PHACTR2: variants seen among roughly 807,000 people sequenced by gnomAD.
PHACTR2 encodes phosphatase and actin regulator 2.
PHACTR2 carries 30 observed loss-of-function variants against 76.0 expected under a neutral mutation model. The observed-to-expected ratio is 0.39, with a 90% CI of 0.30 to 0.54. PHACTR2 has a LOEUF of 0.54. PHACTR2 is among the 20% of genes least tolerant of loss of function. The pLI is 0.61. For synonymous variants in PHACTR2, 292 were observed against 292.5 expected (o/e 1.00, Z 0.02); for missense variants, 696 against 781.1 (o/e 0.89, Z 1.30).
intron 1 of PHACTR2, among the ~76,000 whole-genome samples, chr6:143,545,441 T>C (rs2128426755): frequency 6.6e-6 from 1 of 152,282 alleles, no homozygotes; most frequent in South Asian, 2.1e-4. Context: ...GTGCTGGGTA[T>C]TGGATGCAAG....
In PHACTR2 at chr6:143,578,645, TGAGGAGGAG is replaced by T. The variant is rs200001036; in HGVS notation, c.217+41450_217+41458del. ...GAGGGCCTGGACAATGAGGAGAGGATGAGGAGGAGGAGGAGGAGGAAGGAGAAGAGGAGG... is the reference window on the plus strand; with the variant it reads ...GAGGGCCTGGACAATGAGGAGAGGATGAGGAGGAGGAAGGAGAAGAGGAGG... On this transcript the variant is annotated intron_variant, in intron 1 of 11. Transcript: ENST00000367584. This position sits in a 1 kb window ranked among gnomAD's most constrained non-coding sequence, Gnocchi z 4.5. Among the ~76,000 whole-genome samples, 1 of 150,572 alleles carries T rather than the reference TGAGGAGGAG, an allele frequency of 6.6e-6. No homozygotes were observed. Among genetic ancestry groups the T allele is most frequent in the Non-Finnish European group, 1.5e-5 (1 of 67,630 alleles).
intron 1 of PHACTR2, among the ~76,000 whole-genome samples, chr6:143,593,177 G>C (rs913041361): frequency 2.6e-5 from 4 of 152,046 alleles, no homozygotes; most frequent in African/African-American, 7.2e-5. Flanking sequence ...TTGTGTGGTT[G>C]TGTATTAGAT....
chr6:143,756,653 C>T (rs1367618561), intron 4 of PHACTR2, among the ~76,000 whole-genome samples: 4 of 148,456 alleles, frequency 2.7e-5, no homozygotes, highest in Non-Finnish European at 4.4e-5. Context: ...GAGCCGAGAT[C>T]GCACCACTGC....
Position 143,552,825 on chromosome 6 carries a change from G to C in PHACTR2, c.217+15618G>C, listed in dbSNP as rs367901444. On this transcript the variant is annotated intron_variant, in intron 1 of 11. Coordinates refer to the PHACTR2 transcript ENST00000367584. ...AGGCCAGAGAATTGCAGAGGTTGCA[G>C]TGAGCCAAGATCGTGCCACTGCACT... 6.2e-4 allele frequency among the ~76,000 whole-genome samples: 91 copies of C among 146,334 alleles called. 3 individuals carry two copies. The South Asian group carries it at 0.02, about 32-fold the overall frequency.
rs1187130855 is a variant in PHACTR2 at position 143,598,086 on chromosome 6, C to T, written c.217+60879C>T. Among the ~76,000 whole-genome samples the T allele has an allele frequency of 6.6e-6, 1 of 151,884 alleles. No individual in the cohort carries two copies. Among genetic ancestry groups the T allele is most frequent in the African/African-American group, 2.4e-5 (1 of 41,314 alleles). The stretch of plus-strand genomic sequence containing the variant: ...ATGATATAGTAGGTCGAAGAATGCC[C>T]CCCGCGCCCCCAAAAAAGAACCATA... On this transcript the variant is annotated intron_variant, in intron 1 of 11. Transcript: ENST00000367584. This position sits in a 1 kb window ranked among gnomAD's most constrained non-coding sequence, Gnocchi z 4.1.
chr6:143,760,460 C>T lies in PHACTR2; in HGVS notation c.514C>T (p.Pro172Ser), dbSNP rs1779410428. The T allele has an allele frequency of 2.5e-6, 4 of 1,613,796 alleles. No individual in the cohort carries two copies. Among genetic ancestry groups the T allele is most frequent in the East Asian group, 4.5e-5 (2 of 44,872 alleles). The change falls in exon 5 of 13, where the codon CCT (proline) becomes TCT (serine). Residue 172 changes from proline (P) to serine (S), a missense_variant. Transcript: ENST00000440869. This position sits in a 1 kb window ranked among gnomAD's most constrained non-coding sequence, Gnocchi z 6.4. ...TCCTGCTCTACCTCCTTCTGCTCCT[C>T]CTAAGCCTAGACCCAAACCTAAACC... Reference protein sequence around the residue: ...AAPALPPSAPPKPRPKPKPKK... With the variant: ...AAPALPPSAPSKPRPKPKPKK...
chr6:143,774,322 C>G lies in PHACTR2; in HGVS notation c.1589+107C>G. 1.3e-6 allele frequency: 1 copy of G among 762,080 alleles called. No individual in the cohort carries two copies. Among genetic ancestry groups the G allele is most frequent in the Non-Finnish European group, 2.1e-6 (1 of 486,240 alleles). The allele number at this position is 762,080 out of a possible 1,614,324, so 47.2% of individuals were successfully genotyped here. A position where few individuals can be genotyped will look rare whatever the true frequency, so the allele number is the denominator to read the frequency against. ...GTGAATTCCTTATGTACAGATACATCTGGCCTACTGGGTCTTTTAAAGTTG... is the reference window on the plus strand; with the variant it reads ...GTGAATTCCTTATGTACAGATACATGTGGCCTACTGGGTCTTTTAAAGTTG... On this transcript the variant is annotated intron_variant, in intron 8 of 12. Coordinates refer to ENST00000440869, the MANE Select transcript of PHACTR2 (RefSeq NM_001100164.2). The surrounding 1 kb of genome is among the most constrained non-coding windows in gnomAD (Gnocchi z 5.4).
chr6:143,819,421 T>C lies in PHACTR2; in HGVS notation c.1923-4253T>C, dbSNP rs1776366424. On this transcript the variant is annotated intron_variant, in intron 12 of 12. Transcript: ENST00000440869. The surrounding 1 kb of genome is among the most constrained non-coding windows in gnomAD (Gnocchi z 5.0). The stretch of plus-strand genomic sequence containing the variant: ...GAGTTCTCCAGAGAAACAAAACCAA[T>C]AAGATATATGTATATAGATATATGA... 6.6e-6 allele frequency among the ~76,000 whole-genome samples: 1 copy of C among 152,066 alleles called. No individual in the cohort carries two copies. Among genetic ancestry groups the C allele is most frequent in the African/African-American group, 2.4e-5 (1 of 41,398 alleles).
At chr6:143,540,603 A>C (rs1781163992) in intron 1 of PHACTR2, among the ~76,000 whole-genome samples, 1 of 152,106 alleles carries the variant, frequency 6.6e-6, no homozygotes, top group Non-Finnish European at 1.5e-5. Context: ...ATGCTAGATT[A>C]TTACTAGATT....
intron 1 of PHACTR2, among the ~76,000 whole-genome samples, chr6:143,691,706 CT>C (rs994863010): frequency 1.3e-5 from 2 of 152,120 alleles, no homozygotes; most frequent in African/African-American, 4.8e-5. Context: ...TTGCTGCATA[CT>C]AATTACTTAA....
At chr6:143,717,887 T>C (rs1312932597) in intron 2 of PHACTR2, among the ~76,000 whole-genome samples, 1 of 152,170 alleles carries the variant, frequency 6.6e-6, no homozygotes, top group East Asian at 1.9e-4. Context: ...TTTGGGACTT[T>C]ATAAAAGAAA....
At position 143,553,034 on chromosome 6, in the gene PHACTR2, A is replaced by G. The variant is rs1176843757; in HGVS notation, c.217+15827A>G. On this transcript the variant is annotated intron_variant, in intron 1 of 11. Coordinates refer to the PHACTR2 transcript ENST00000367584. This position sits in a 1 kb window ranked among gnomAD's most constrained non-coding sequence, Gnocchi z 4.2. ...CAGGTATTTAAGGAGTGAAATGAGCAATGATGTTTCATCCAGATGCTTAAA... is the reference window on the plus strand; with the variant it reads ...CAGGTATTTAAGGAGTGAAATGAGCGATGATGTTTCATCCAGATGCTTAAA... Among the ~76,000 whole-genome samples, 1 of 152,142 alleles carries G rather than the reference A, an allele frequency of 6.6e-6. No homozygotes were observed. The highest frequency in any genetic ancestry group is 1.5e-5 in the Non-Finnish European group (1 of 68,036).
At position 143,678,010 on chromosome 6, in the gene PHACTR2, G is replaced by T. The variant is rs1402316936; in HGVS notation, c.-154G>T. 2.7e-6 allele frequency: 4 copies of T among 1,474,690 alleles called. No individual in the cohort carries two copies. The highest frequency in any genetic ancestry group is 3.6e-6 in the Non-Finnish European group (4 of 1,109,000). 91.4% of individuals were successfully genotyped at this position (1,474,690 alleles called of 1,614,324 possible). ...CGCGCCGGCTGCGGCCGGCCGGGCT[G>T]GGAGACCCGCGCGGGGTAGAAGGTG... is the stretch of plus-strand genomic sequence containing the variant. On this transcript the variant is annotated 5_prime_UTR_variant, in exon 1 of 13. Coordinates refer to ENST00000440869, the MANE Select transcript of PHACTR2 (RefSeq NM_001100164.2). The surrounding 1 kb of genome is among the most constrained non-coding windows in gnomAD (Gnocchi z 6.2).
chr6:143,593,213 C>T (rs1775712445), intron 1 of PHACTR2, among the ~76,000 whole-genome samples: 1 of 152,066 alleles, frequency 6.6e-6, no homozygotes, highest in African/African-American at 2.4e-5. Context: ...CAAATTATGG[C>T]CCTGTCCTCA....
intron 1 of PHACTR2, among the ~76,000 whole-genome samples, chr6:143,660,023 G>T (rs187007623): frequency 6.6e-6 from 1 of 152,224 alleles, no homozygotes; most frequent in East Asian, 1.9e-4. Flanking sequence ...ATTCAGATCT[G>T]GTGTTTTCTC....
chr6:143,813,334 A>T (rs1776220317), intron 12 of PHACTR2, among the ~76,000 whole-genome samples: 1 of 152,080 alleles, frequency 6.6e-6, no homozygotes, highest in Non-Finnish European at 1.5e-5. Context: ...TAAAATTCAG[A>T]TGCAGCCGGG....
Position 143,580,471 on chromosome 6 carries a change from C to A in PHACTR2, c.217+43264C>A, listed in dbSNP as rs888260514. Among the ~76,000 whole-genome samples, 21 of 151,930 alleles carry A rather than the reference C, an allele frequency of 1.4e-4. No homozygotes were observed. The highest frequency in any genetic ancestry group is 4.2e-4 in the South Asian group (2 of 4,800). ...CTGCACTCCAGCCTGGGCGACAGAG[C>A]GAGACTCCGTCTCAAACAAAACAAA... On this transcript the variant is annotated intron_variant, in intron 1 of 11. Transcript: ENST00000367584. The surrounding 1 kb of genome is among the most constrained non-coding windows in gnomAD (Gnocchi z 4.2).
rs1209981030 is a variant in PHACTR2 at position 143,599,146 on chromosome 6, A to G, written c.217+61939A>G. ...GGGGTCACCTCCAATTCTTTTTTCA[A>G]TGAAGTCCTGGATAAGGAGACAAAA... On this transcript the variant is annotated intron_variant, in intron 1 of 11. Transcript: ENST00000367584. This position sits in a 1 kb window ranked among gnomAD's most constrained non-coding sequence, Gnocchi z 4.6. Among the ~76,000 whole-genome samples the G allele has an allele frequency of 6.6e-6, 1 of 152,162 alleles. No individual in the cohort carries two copies. Among genetic ancestry groups the G allele is most frequent in the African/African-American group, 2.4e-5 (1 of 41,446 alleles).
At chr6:143,720,129 T>G (rs1392020178) in intron 2 of PHACTR2, among the ~76,000 whole-genome samples, 11 of 152,170 alleles carry the variant, frequency 7.2e-5, no homozygotes, top group Admixed American at 7.2e-4. Context: ...CGACACTTCT[T>G]TGTCCTCAGC....
Sources: gnomAD v4.1 joint callset for allele counts (sites outside exome capture counted in the v4.1 genomes callset) on GRCh38, gnomAD v4.1.1 for gene constraint, Gnocchi (gnomAD v3.1) non-coding constraint, MANE v1.5 for transcripts, NCBI Gene and HGNC (gene_info 2026-07-23, HGNC 2026-07-21) for gene names.